Variants in SEPTIN12 observed in about 807,000 individuals in gnomAD.
SEPTIN12 encodes the protein septin 12, also known as septin-12.
In SEPTIN12, 42 loss-of-function variants were observed where a neutral mutation model predicts 37.7. That is an observed-to-expected ratio of 1.11 (90% confidence interval 0.87 to 1.44). The LOEUF is 1.44. SEPTIN12 is among the 40% of genes most tolerant of loss of function. The pLI is 0.00. For synonymous variants in SEPTIN12, 254 were observed against 196.7 expected (o/e 1.29, Z -2.44); for missense variants, 613 against 479.2 (o/e 1.28, Z -2.61).
At chr16:4,784,447 A>G (rs2082411541) in intron 4 of SEPTIN12, among the ~76,000 whole-genome samples, 1 of 152,056 alleles carries the variant, frequency 6.6e-6, no homozygotes, top group Non-Finnish European at 1.5e-5. Flanking sequence ...TATTGTCAAC[A>G]CTGTAAGTAG....
chr16:4,787,394 C>T lies in SEPTIN12; in HGVS notation c.166+86G>A, dbSNP rs907823067. ...GGCCCACCTAAGAGATGGGGAGGGG[C>T]GACAGGCTGCCAAAGGTGAGGCCAC... On this transcript the variant is annotated intron_variant, in intron 2 of 9. Coordinates refer to ENST00000268231, the MANE Select transcript of SEPTIN12 (RefSeq NM_144605.5). The T allele has an allele frequency of 8.9e-5, 109 of 1,229,236 alleles. No individual in the cohort carries two copies. The South Asian group carries it at 1.0e-3, about 12-fold the overall frequency. 76.1% of individuals were successfully genotyped at this position (1,229,236 alleles called of 1,614,324 possible). A position where few individuals can be genotyped will look rare whatever the true frequency, so the allele number is the denominator to read the frequency against.
At chr16:4,789,368 C>A (rs2082513074), upstream of SEPTIN12, among the ~76,000 whole-genome samples, 1 of 151,784 alleles carries the variant, frequency 6.6e-6, no homozygotes, top group Non-Finnish European at 1.5e-5. Flanking sequence ...CTCTGTCACC[C>A]AGGCTGGAGT....
Position 4,777,721 on chromosome 16 carries a change from A to C in SEPTIN12, c.*76T>G. 9.5e-7 allele frequency: 1 copy of C among 1,055,762 alleles called. No homozygotes were observed. The highest frequency in any genetic ancestry group is 1.3e-6 in the Non-Finnish European group (1 of 741,212). The allele number at this position is 1,055,762 out of a possible 1,614,324, so 65.4% of individuals were successfully genotyped here. The stretch of plus-strand genomic sequence containing the variant: ...AAAAAGCAAGGCTCACATTTAATAG[A>C]TGCTCTGGTACATAGGTGTGTGTTG... On this transcript the variant is annotated 3_prime_UTR_variant, in exon 10 of 10. Coordinates refer to ENST00000268231, the MANE Select transcript of SEPTIN12 (RefSeq NM_144605.5).
chr16:4,784,236 G>T, intron 4 of SEPTIN12, 168 bp from the exon 5 acceptor site: 1 of 670,062 alleles, frequency 1.5e-6, no homozygotes, highest in Non-Finnish European at 2.6e-6. Context: ...TGCATCATCA[G>T]AGACACACAG....
At chr16:4,779,171 T>C (rs979238139) in intron 8 of SEPTIN12, among the ~76,000 whole-genome samples, 90 of 152,088 alleles carry the variant, frequency 5.9e-4, no homozygotes, top group African/African-American at 2.1e-3. Context: ...TAATAATACA[T>C]CAGGGGCTAC....
Position 4,777,841 on chromosome 16 carries a change from T to C in SEPTIN12, c.1033A>G (p.Lys345Glu). The change falls in exon 10 of 10, where the codon AAG becomes GAG. Residue 345 changes from lysine (K) to glutamate (E), a missense_variant. Lys to Glu is a moderately conservative substitution (Grantham distance 56). Coordinates refer to ENST00000268231, the MANE Select transcript of SEPTIN12 (RefSeq NM_144605.5). ...TCGTCATGGGCCCCCCTGCAGACCT[T>C]GAAGGTCCGGGGGGTGGTCAGCTGT... ...PGQLTTPRTF[K>E]VCRGAHDDSD... is the part of the protein sequence containing the mutation. 6.3e-7 allele frequency: 1 copy of C among 1,593,368 alleles called. No homozygotes were observed. The highest frequency in any genetic ancestry group is 1.3e-5 in the African/African-American group (1 of 74,826).
intron 7 of SEPTIN12, among the ~76,000 whole-genome samples, chr16:4,780,162 A>C (rs2082357595): frequency 6.6e-6 from 1 of 152,060 alleles, no homozygotes; most frequent in African/African-American, 2.4e-5. Context: ...CCCATAGCTC[A>C]CTGCAGCCTT....
At chr16:4,791,748 C>T (rs1490339393), upstream of SEPTIN12, among the ~76,000 whole-genome samples, 3 of 152,118 alleles carry the variant, frequency 2.0e-5, no homozygotes, top group African/African-American at 7.2e-5. Context: ...AGTGCAGTGG[C>T]GAGATCTTGG....
intron 1 of SEPTIN12, chr16:4,787,988 T>C (rs2082486985): frequency 8.0e-6 from 2 of 250,066 alleles, no homozygotes; most frequent in Non-Finnish European, 1.6e-5. Flanking sequence ...AAGTCCAGGA[T>C]GGGTGTTTGC....
At chr16:4,784,623 A>G (rs972436250) in intron 4 of SEPTIN12, among the ~76,000 whole-genome samples, 7 of 91,608 alleles carry the variant, frequency 7.6e-5, no homozygotes, top group Non-Finnish European at 1.8e-4. Context: ...TACACAAATT[A>G]GCTCGGTGGG....
At chr16:4,780,269 T>C (rs1228632172) in intron 7 of SEPTIN12, among the ~76,000 whole-genome samples, 1 of 150,792 alleles carries the variant, frequency 6.6e-6, no homozygotes, top group African/African-American at 2.4e-5. Flanking sequence ...TAAACATTTT[T>C]AGTAGAGATG....
upstream of SEPTIN12, chr16:4,788,907 G>C (rs1431121003): frequency 6.6e-6 from 1 of 152,158 alleles, no homozygotes; most frequent in Non-Finnish European, 1.5e-5. Flanking sequence ...TAGATTTCCG[G>C]TGTATCTTAG....
chr16:4,782,465 G>A (rs929088609), intron 7 of SEPTIN12, among the ~76,000 whole-genome samples: 7 of 152,140 alleles, frequency 4.6e-5, no homozygotes, highest in Admixed American at 2.6e-4. Context: ...GGGTATACAC[G>A]TAGGAGTTCA....
intron 7 of SEPTIN12, among the ~76,000 whole-genome samples, chr16:4,782,284 G>A (rs1444046816): frequency 6.6e-6 from 1 of 152,074 alleles, no homozygotes; most frequent in Non-Finnish European, 1.5e-5. Context: ...GAACTTCATT[G>A]CTTTTCATGG....
upstream of SEPTIN12, among the ~76,000 whole-genome samples, chr16:4,789,739 G>A (rs894565321): frequency 1.3e-5 from 2 of 151,920 alleles, no homozygotes; most frequent in Non-Finnish European, 2.9e-5. Context: ...GATTACAGAC[G>A]TGAACCACCA....
chr16:4,786,019 G>A lies in SEPTIN12; in HGVS notation c.253C>T (p.Pro85Ser), dbSNP rs1452958171. 6.2e-7 allele frequency: 1 copy of A among 1,613,676 alleles called. No individual in the cohort carries two copies. Among genetic ancestry groups the A allele is most frequent in the East Asian group, 2.2e-5 (1 of 44,876 alleles). Reference sequence around the variant, plus strand: ...TGCAGCTGCAGCGTCTGGGGTGTGGGCACCCCCAAGCCCGGTGGGTTTGAC... The same window carrying A: ...TGCAGCTGCAGCGTCTGGGGTGTGGACACCCCCAAGCCCGGTGGGTTTGAC... ...WKSNPPGLGV[P>S]TPQTLQLHSL... Residue 85 changes from proline to serine, a missense_variant, in exon 3 of 10, where the codon CCC becomes TCC. Coordinates refer to ENST00000268231, the MANE Select transcript of SEPTIN12 (RefSeq NM_144605.5).
chr16:4,783,191 G>A, intron 7 of SEPTIN12: 1 of 442,852 alleles, frequency 2.3e-6, no homozygotes, highest in Non-Finnish European at 4.2e-6. Flanking sequence ...TTACAGGCGT[G>A]AGCCACTGTG....
chr16:4,785,891 GT>G lies in SEPTIN12; in HGVS notation c.293-4del, dbSNP rs771962554. On this transcript the variant is annotated splice_polypyrimidine_tract_variant and splice_region_variant and intron_variant, in intron 3 of 9. Coordinates refer to ENST00000268231, the MANE Select transcript of SEPTIN12 (RefSeq NM_144605.5). ...CTTCACACCCTTCTCCTCTATGACT[GT>G]GGAGGGAGAGCAGAGTCGGGAGAGA... 5.5e-5 allele frequency: 88 copies of G among 1,613,164 alleles called. 1 individual carries two copies. In the Admixed American group the frequency reaches 1.4e-3, roughly 26 times the overall value.
intron 7 of SEPTIN12, among the ~76,000 whole-genome samples, chr16:4,780,648 TTTTACTTCTGAATTC>T (rs1166449046): frequency 6.6e-6 from 1 of 152,208 alleles, no homozygotes; most frequent in Non-Finnish European, 1.5e-5. Flanking sequence ...ATATATGGGT[TTTTACTTCTGAATTC>T]ATCTGTGATG....
Sources: allele counts gnomAD v4.1 joint callset (sites outside exome capture counted in the v4.1 genomes callset), GRCh38; gene constraint gnomAD v4.1.1; transcripts MANE v1.5; gene names NCBI Gene and HGNC (gene_info 2026-07-23, HGNC 2026-07-21).